CASQ2: variants seen among roughly 807,000 people sequenced by gnomAD.
CASQ2 encodes the protein calsequestrin 2.
In CASQ2, 49 loss-of-function variants were observed where a neutral mutation model predicts 46.5. That is an observed-to-expected ratio of 1.05 (90% CI 0.84 to 1.34). The LOEUF (loss-of-function observed/expected upper bound fraction) is 1.34, where lower values mean the gene tolerates loss of function less well. CASQ2 is among the 40% of genes most tolerant of loss of function. The probability of loss-of-function intolerance (pLI) is 0.00; values close to 1 mark genes in which losing one functional copy is unlikely to be tolerated. For synonymous variants in CASQ2, 174 were observed against 168.5 expected (o/e 1.03, Z -0.25); for missense variants, 486 against 481.3 (o/e 1.01, Z -0.09).
chr1:115,701,103 A>G lies in CASQ2; in HGVS notation c.*138T>C, dbSNP rs28730710. The G allele has an allele frequency of 0.078, 102,479 of 1,316,914 alleles. 4,750 individuals are homozygous for G. Among genetic ancestry groups the G allele is most frequent in the African/African-American group, 0.18 (12,195 of 68,988 alleles). The allele number at this position is 1,316,914 out of a possible 1,614,324, so 81.6% of individuals were successfully genotyped here. ...CTGAATGATGCTGCTCCTGACGCAA[A>G]GGGAGTGGGAAAAGAGATGATGGAA... On this transcript the variant is annotated 3_prime_UTR_variant, in exon 11 of 11. Transcript: ENST00000261448.
chr1:115,743,887 A>C (rs931242789), intron 2 of CASQ2, among the ~76,000 whole-genome samples: 7 of 152,070 alleles, frequency 4.6e-5, no homozygotes, highest in Non-Finnish European at 1.0e-4. Flanking sequence ...CTGTAATCCC[A>C]CCATTTTGGG....
intron 10 of CASQ2, among the ~76,000 whole-genome samples, chr1:115,702,350 G>C (rs547031158): frequency 3.3e-5 from 5 of 152,206 alleles, no homozygotes; most frequent in Non-Finnish European, 7.3e-5. Flanking sequence ...TGGTGGAGTT[G>C]TATGAGATGT....
At chr1:115,766,010 T>C (rs906318470) in intron 1 of CASQ2, among the ~76,000 whole-genome samples, 1 of 152,262 alleles carries the variant, frequency 6.6e-6, no homozygotes, top group Non-Finnish European at 1.5e-5. Flanking sequence ...CCCTTGATGC[T>C]GCGCCTGACA....
intron 5 of CASQ2, among the ~76,000 whole-genome samples, chr1:115,727,966 T>C (rs1647652267): frequency 6.6e-6 from 1 of 152,222 alleles, no homozygotes; most frequent in South Asian, 2.1e-4. Context: ...ACTCAGGACC[T>C]CTGTTTGTGA....
At chr1:115,746,014 T>C (rs1327574023) in intron 1 of CASQ2, among the ~76,000 whole-genome samples, 1 of 152,236 alleles carries the variant, frequency 6.6e-6, no homozygotes, top group Non-Finnish European at 1.5e-5. Context: ...GGGCAACCAC[T>C]AATTTGTTGT....
chr1:115,768,021 C>T (rs1649190176), intron 1 of CASQ2, among the ~76,000 whole-genome samples: 1 of 152,104 alleles, frequency 6.6e-6, no homozygotes, highest in East Asian at 1.9e-4. Context: ...GAAACAATGG[C>T]TGGGACAAGG....
At chr1:115,705,780 G>C (rs1000011824) in intron 8 of CASQ2, among the ~76,000 whole-genome samples, 10 of 152,110 alleles carry the variant, frequency 6.6e-5, no homozygotes, top group African/African-American at 2.4e-4. Context: ...TTTACAGTTG[G>C]TTTCACAGCT....
intron 5 of CASQ2, among the ~76,000 whole-genome samples, chr1:115,730,094 G>A (rs774409879): frequency 2.6e-5 from 4 of 152,216 alleles, no homozygotes; most frequent in Admixed American, 2.6e-4. Context: ...TAATAGATCA[G>A]TACTGGTCCT....
intron 1 of CASQ2, among the ~76,000 whole-genome samples, chr1:115,748,828 C>G (rs1648477792): frequency 6.6e-6 from 1 of 152,112 alleles, no homozygotes; most frequent in Non-Finnish European, 1.5e-5. Context: ...TACCTAATGG[C>G]TTTGCGGTAT....
At chr1:115,705,860 G>A (rs1239267167) in intron 8 of CASQ2, among the ~76,000 whole-genome samples, 1 of 138,906 alleles carries the variant, frequency 7.2e-6, no homozygotes, top group Non-Finnish European at 1.5e-5. Flanking sequence ...CCCTCCCTCT[G>A]TTCAGTCAGC....
intron 5 of CASQ2, among the ~76,000 whole-genome samples, chr1:115,728,235 T>C (rs1029118763): frequency 6.6e-6 from 1 of 152,146 alleles, no homozygotes; most frequent in Non-Finnish European, 1.5e-5. Context: ...TGAGGAAACA[T>C]TGATATCCAT....
chr1:115,744,775 G>C, intron 2 of CASQ2, 53 bp downstream of exon 2: 1 of 1,221,540 alleles, frequency 8.2e-7, no homozygotes, highest in East Asian at 2.3e-5. Flanking sequence ...TTTTCCTTTT[G>C]CAAGACACAT....
chr1:115,700,258 T>C lies in CASQ2; in HGVS notation c.*983A>G, dbSNP rs917427417. ...TTTTCAGTGCCTCAGGGCATCAGTA[T>C]GAACTCCAATTATTGTTGCCCTGGC... On this transcript the variant is annotated 3_prime_UTR_variant, in exon 11 of 11. Transcript: ENST00000261448. 1.3e-5 allele frequency: 2 copies of C among 152,378 alleles called. No individual in the cohort carries two copies. Among genetic ancestry groups the C allele is most frequent in the East Asian group, 1.9e-4 (1 of 5,170 alleles). 9.4% of individuals were successfully genotyped at this position (152,378 alleles called of 1,614,324 possible). A position where few individuals can be genotyped will look rare whatever the true frequency, so the allele number is the denominator to read the frequency against.
In CASQ2 at chr1:115,705,253, C is replaced by G. The variant is rs377691566; in HGVS notation, c.878G>C (p.Arg293Pro). ...EFLEILKQVA[R>P]DNTDNPDLSI... ...CAGATCGGGGTTGTCAGTATTGTCC[C>G]GGGCAACCTGTTTCAGGATCTCCAG... Residue 293 changes from arginine to proline, a missense_variant, in exon 9 of 11, where the codon CGG becomes CCG. Physicochemically the swap from Arg to Pro is moderately radical, Grantham distance 103. Transcript: ENST00000261448. The G allele has an allele frequency of 1.9e-6, 3 of 1,614,032 alleles. No homozygotes were observed. Among genetic ancestry groups the G allele is most frequent in the Non-Finnish European group, 2.5e-6 (3 of 1,179,922 alleles).
chr1:115,716,989 T>C (rs1315144825), intron 8 of CASQ2, among the ~76,000 whole-genome samples: 1 of 152,180 alleles, frequency 6.6e-6, no homozygotes, highest in African/African-American at 2.4e-5. Context: ...TTTCTTATGA[T>C]TTAACACCAT....
rs771969892 is a variant in CASQ2, at chr1:115,740,301, C to A, written c.420+427G>T. On this transcript the variant is annotated intron_variant, in intron 3 of 10. Transcript: ENST00000261448. ...AGTGTGATACTGGGGGGCTGTTTAG[C>A]TCTGTCACTTCTCTATGTTGCTCTG... 2.6e-5 allele frequency among the ~76,000 whole-genome samples: 4 copies of A among 152,286 alleles called. No individual in the cohort carries two copies. The East Asian group carries it at 5.8e-4, about 22-fold the overall frequency.
intron 1 of CASQ2, among the ~76,000 whole-genome samples, chr1:115,758,552 A>G (rs937802595): frequency 6.6e-6 from 1 of 152,122 alleles, no homozygotes; most frequent in Non-Finnish European, 1.5e-5. Flanking sequence ...TTGATCCCCA[A>G]TGTTGGAGGT....
intron 8 of CASQ2, among the ~76,000 whole-genome samples, chr1:115,710,189 G>A (rs992008737): frequency 6.6e-6 from 1 of 152,166 alleles, no homozygotes; most frequent in Non-Finnish European, 1.5e-5. Context: ...CTATAATCAC[G>A]CTGCTCCAAC....
chr1:115,747,825 C>A (rs9428085), intron 1 of CASQ2, among the ~76,000 whole-genome samples: 66,376 of 152,002 alleles, frequency 0.44, 16,843 homozygotes, highest in Non-Finnish European at 0.58. Context: ...ATGCTAAACT[C>A]ACTTATTAGT....
Sources: allele counts gnomAD v4.1 joint callset (sites outside exome capture counted in the v4.1 genomes callset), GRCh38; gene constraint gnomAD v4.1.1; transcripts MANE v1.5; gene names NCBI Gene and HGNC (gene_info 2026-07-23, HGNC 2026-07-21).